MORN5: variants seen among roughly 807,000 people sequenced by gnomAD.
MORN5 encodes MORN repeat-containing protein 5.
Under a neutral mutation model 22.1 loss-of-function variants are expected in MORN5, and 21 were observed. The ratio of observed to expected loss-of-function variants is 0.95; its 90% CI spans 0.67 to 1.37. The LOEUF (loss-of-function observed/expected upper bound fraction) is 1.37. Among genes scored for constraint, MORN5 ranks in the 40% most tolerant of loss-of-function variants. The probability of loss-of-function intolerance (pLI) is 0.00; values close to 1 mark genes in which losing one functional copy is unlikely to be tolerated. For synonymous variants in MORN5, 73 were observed against 74.0 expected, an observed-to-expected ratio of 0.99 and a Z score of 0.07; for missense variants, 211 against 215.1, an observed-to-expected ratio of 0.98 and a Z score of 0.12.
intron 2 of MORN5, among the ~76,000 whole-genome samples, chr9:122,167,129 C>A (rs1430438742): frequency 6.0e-5 from 9 of 150,406 alleles, no homozygotes; most frequent in African/African-American, 1.7e-4. Context: ...CTCACTGCAA[C>A]CTCCGCCTCC....
chr9:122,189,623 T>C (rs1829714635), intron 4 of MORN5, among the ~76,000 whole-genome samples: 1 of 152,074 alleles, frequency 6.6e-6, no homozygotes, highest in South Asian at 2.1e-4. Context: ...TTTTTTTATT[T>C]TGAGACAGAG....
At chr9:122,163,966 G>A (rs1829239036) in intron 1 of MORN5, among the ~76,000 whole-genome samples, 1 of 151,994 alleles carries the variant, frequency 6.6e-6, no homozygotes, top group African/African-American at 2.4e-5. Flanking sequence ...TCACAGCAAT[G>A]TCCACCCCAC....
At chr9:122,191,698 C>T (rs1166508821) in intron 4 of MORN5, among the ~76,000 whole-genome samples, 1 of 152,256 alleles carries the variant, frequency 6.6e-6, no homozygotes, top group African/African-American at 2.4e-5. Flanking sequence ...GTGCGAAGAG[C>T]AGGCAGAGCC....
intron 4 of MORN5, among the ~76,000 whole-genome samples, chr9:122,191,597 T>TC (rs1282274722): frequency 6.6e-6 from 1 of 152,134 alleles, no homozygotes; most frequent in Non-Finnish European, 1.5e-5. Context: ...CTTGGTCTCT[T>TC]CCCTTCCCTA....
At chr9:122,180,570 GC>G in intron 4 of MORN5, among the ~76,000 whole-genome samples, 1 of 152,300 alleles carries the variant, frequency 6.6e-6, no homozygotes, top group South Asian at 2.1e-4. Flanking sequence ...ATAGGCATGA[GC>G]CACTGCGCTC....
At chr9:122,186,903 A>G (rs1829649059) in intron 4 of MORN5, among the ~76,000 whole-genome samples, 1 of 152,234 alleles carries the variant, frequency 6.6e-6, no homozygotes, top group Non-Finnish European at 1.5e-5. Flanking sequence ...CCTCAGGTCC[A>G]GGAGAGGCGG....
At chr9:122,163,491 T>C (rs2118735843) in intron 1 of MORN5, among the ~76,000 whole-genome samples, 1 of 152,262 alleles carries the variant, frequency 6.6e-6, no homozygotes, top group Non-Finnish European at 1.5e-5. Flanking sequence ...AGAGATAGTA[T>C]TTGAAATGGG....
intron 4 of MORN5, among the ~76,000 whole-genome samples, chr9:122,189,853 G>T (rs1413217890): frequency 2.0e-5 from 3 of 152,112 alleles, no homozygotes; most frequent in Non-Finnish European, 4.4e-5. Context: ...TGATCTGCCT[G>T]CCTCGGCCTC....
intron 3 of MORN5, among the ~76,000 whole-genome samples, chr9:122,173,718 C>T (rs145378468): frequency 5.7e-4 from 87 of 152,336 alleles, no homozygotes; most frequent in African/African-American, 1.8e-3. Flanking sequence ...TTCTTTCTCT[C>T]CCAGAGGTCT....
chr9:122,181,241 C>T (rs1829534832), intron 4 of MORN5, among the ~76,000 whole-genome samples: 1 of 152,208 alleles, frequency 6.6e-6, no homozygotes, highest in African/African-American at 2.4e-5. Context: ...GCCCAGATCC[C>T]TCCCACTCCC....
intron 4 of MORN5, among the ~76,000 whole-genome samples, chr9:122,188,057 T>G (rs984959963): frequency 6.6e-6 from 1 of 152,152 alleles, no homozygotes; most frequent in African/African-American, 2.4e-5. Context: ...CAAGGAGGCC[T>G]CAGACTGGAC....
intron 1 of MORN5, among the ~76,000 whole-genome samples, chr9:122,161,397 A>T (rs912840591): frequency 2.0e-5 from 3 of 152,230 alleles, no homozygotes; most frequent in African/African-American, 7.2e-5. Context: ...TGACCCTTAC[A>T]GGGCTTGAGA....
intron 1 of MORN5, among the ~76,000 whole-genome samples, chr9:122,162,754 A>G (rs1043078096): frequency 3.3e-5 from 5 of 152,222 alleles, no homozygotes; most frequent in Admixed American, 2.6e-4. Flanking sequence ...CCATTTATGT[A>G]AAATTCTAGA....
At chr9:122,194,916 A>G (rs1829852740) in intron 4 of MORN5, among the ~76,000 whole-genome samples, 1 of 151,858 alleles carries the variant, frequency 6.6e-6, no homozygotes, top group Non-Finnish European at 1.5e-5. Context: ...GCTACTCGGG[A>G]GGCTGAAGCA....
At chr9:122,186,094 C>T (rs1023653525) in intron 4 of MORN5, among the ~76,000 whole-genome samples, 1 of 152,162 alleles carries the variant, frequency 6.6e-6, no homozygotes, top group Non-Finnish European at 1.5e-5. Context: ...ATCAAATGCC[C>T]GCACCAATCA....
intron 4 of MORN5, among the ~76,000 whole-genome samples, chr9:122,187,629 A>G (rs1829664775): frequency 2.0e-5 from 3 of 152,250 alleles, no homozygotes; most frequent in African/African-American, 7.2e-5. Flanking sequence ...CTAAATGTTC[A>G]AGAGACTGTG....
chr9:122,186,397 C>A (rs547641315), intron 4 of MORN5, among the ~76,000 whole-genome samples: 11 of 152,304 alleles, frequency 7.2e-5, no homozygotes, highest in Admixed American at 6.5e-4. Flanking sequence ...GAACCATGAA[C>A]CTGTCTGAGA....
At chr9:122,176,552 T>C (rs892646009) in intron 4 of MORN5, among the ~76,000 whole-genome samples, 1 of 152,216 alleles carries the variant, frequency 6.6e-6, no homozygotes, top group East Asian at 1.9e-4. Context: ...GAAGGAACTC[T>C]GCGTTATCTT....
At position 122,165,778 on chromosome 9, in the gene MORN5, T is replaced by C. The variant is rs562090780; in HGVS notation, c.48-990T>C. Among the ~76,000 whole-genome samples, 69 of 152,222 alleles carry C rather than the reference T, an allele frequency of 4.5e-4. 2 individuals carry two copies. The South Asian group carries it at 0.014, about 31-fold the overall frequency. On this transcript the variant is annotated intron_variant, in intron 1 of 4. Coordinates refer to ENST00000373764, the MANE Select transcript of MORN5 (RefSeq NM_198469.4). The stretch of plus-strand genomic sequence containing the variant: ...CTTGATCACTGTTGAATCTGTGTTG[T>C]ATTCAGCAAGTTGGACCATCAGCAT...
Sources: allele counts gnomAD v4.1 joint callset (sites outside exome capture counted in the v4.1 genomes callset), GRCh38; gene constraint gnomAD v4.1.1; transcripts MANE v1.5; gene names NCBI Gene and HGNC (gene_info 2026-07-23, HGNC 2026-07-21).